The following KDM6A variants were observed in gnomAD, a reference collection of about 807,000 sequenced individuals.
KDM6A encodes the protein lysine-specific demethylase 6A.
KDM6A carries 11 observed loss-of-function variants against 117.6 expected under a neutral mutation model. That is an observed-to-expected ratio of 0.09 (90% CI 0.06 to 0.15). The LOEUF is 0.15. KDM6A is among the 10% of genes least tolerant of loss of function. The pLI is 1.00. For missense variants in KDM6A, 799 were observed against 1,077.3 expected, an observed-to-expected ratio of 0.74 and a Z score of 3.62; for synonymous variants, 384 against 396.1, an observed-to-expected ratio of 0.97 and a Z score of 0.36.
chrX:44,905,353 A>T (rs375864431), intron 2 of KDM6A, among the ~76,000 whole-genome samples: 3 of 112,296 alleles, frequency 2.7e-5, no homozygotes, highest in East Asian at 5.6e-4. Context: ...ACAAATATTT[A>T]CCACTGTGTT....
chrX:45,090,653 A>G, intron 26 of KDM6A, 70 bp from the exon 27 acceptor site: 1 of 1,089,015 alleles, frequency 9.2e-7, no homozygotes, highest in Non-Finnish European at 1.3e-6. Context: ...TCACCTGAGC[A>G]GGTGATAATG....
intron 4 of KDM6A, among the ~76,000 whole-genome samples, chrX:44,989,109 G>A (rs912346896): frequency 9.4e-6 from 1 of 105,982 alleles, no homozygotes; most frequent in African/African-American, 3.5e-5. Flanking sequence ...GGCAATGGGG[G>A]CGCCCCTCCC....
At chrX:44,982,142 T>C (rs939423911) in intron 4 of KDM6A, among the ~76,000 whole-genome samples, 1 of 111,633 alleles carries the variant, frequency 9.0e-6, no homozygotes, top group Non-Finnish European at 1.9e-5. Flanking sequence ...AGGTTTTGAA[T>C]TCTGGAAGCA....
At chrX:44,988,784 G>A (rs2040397452) in intron 4 of KDM6A, among the ~76,000 whole-genome samples, 1 of 110,637 alleles carries the variant, frequency 9.0e-6, no homozygotes, top group Non-Finnish European at 1.9e-5. Context: ...TGTCTCACAG[G>A]AGTACCCGGT....
chrX:45,079,493 G>A lies in KDM6A; in HGVS notation c.3300+142G>A, dbSNP rs189258458. Reference sequence around the variant, plus strand: ...TTTGTAAGTGTTCTCCAGTTGTCTCGTATGTATATATGTATGTATGTATGT... The same window carrying A: ...TTTGTAAGTGTTCTCCAGTTGTCTCATATGTATATATGTATGTATGTATGT... On this transcript the variant is annotated intron_variant, in intron 21 of 29. Coordinates refer to ENST00000611820, the MANE Select transcript of KDM6A (RefSeq NM_001291415.2). 24 of 465,671 alleles carry A rather than the reference G, an allele frequency of 5.2e-5. No homozygotes were observed. The East Asian group carries it at 7.6e-4, about 15-fold the overall frequency. 38.4% of individuals were successfully genotyped at this position (465,671 alleles called of 1,213,427 possible).
chrX:45,005,533 C>G (rs2041395163), intron 4 of KDM6A, among the ~76,000 whole-genome samples: 1 of 111,611 alleles, frequency 9.0e-6, no homozygotes, highest in Admixed American at 9.5e-5. Flanking sequence ...CATCCTCATT[C>G]GATCTAAACT....
chrX:44,926,197 A>C (rs1257088783), intron 2 of KDM6A, among the ~76,000 whole-genome samples: 2 of 109,588 alleles, frequency 1.8e-5, no homozygotes, highest in African/African-American at 6.7e-5. Flanking sequence ...CAGTCTCCCA[A>C]GTAGCTGGGA....
intron 4 of KDM6A, among the ~76,000 whole-genome samples, chrX:44,980,463 C>T (rs2039847320): frequency 9.1e-6 from 1 of 110,196 alleles, no homozygotes; most frequent in Non-Finnish European, 1.9e-5. Flanking sequence ...ATTGCATTTG[C>T]TTGTTCGTGA....
At chrX:45,050,356 C>T (rs762146617) in intron 8 of KDM6A, among the ~76,000 whole-genome samples, 1 of 112,073 alleles carries the variant, frequency 8.9e-6, no homozygotes, top group African/African-American at 3.2e-5. Flanking sequence ...AACAAACAAA[C>T]GAAAAAACTG....
rs1441240836 is a variant in KDM6A, at chrX:45,056,317, T to C, written c.875+2362T>C. Among the ~76,000 whole-genome samples, 4 of 111,968 alleles carry C rather than the reference T, an allele frequency of 3.6e-5. No individual in the cohort carries two copies. The East Asian group carries it at 8.3e-4, about 23-fold the overall frequency. On this transcript the variant is annotated intron_variant, in intron 10 of 29. Coordinates refer to ENST00000611820, the MANE Select transcript of KDM6A (RefSeq NM_001291415.2). ...GAATGAATTATGTTTTAGAAGTTTTTAAAGCTCCAAATGAAGACCTCAATT... is the reference window on the plus strand; with the variant it reads ...GAATGAATTATGTTTTAGAAGTTTTCAAAGCTCCAAATGAAGACCTCAATT...
At chrX:44,887,124 C>T (rs1188277407) in intron 2 of KDM6A, among the ~76,000 whole-genome samples, 3 of 107,707 alleles carry the variant, frequency 2.8e-5, no homozygotes, top group Non-Finnish European at 3.8e-5. Context: ...TTTATCATGT[C>T]GGCCAGGCTG....
intron 27 of KDM6A, among the ~76,000 whole-genome samples, chrX:45,093,982 G>C (rs1292046007): frequency 9.0e-6 from 1 of 111,279 alleles, no homozygotes; most frequent in East Asian, 2.8e-4. Flanking sequence ...TTGCATTCCT[G>C]TGATATTAAC....
At chrX:44,922,378 TTTCTTGTGCTTA>T (rs1346133365) in intron 2 of KDM6A, among the ~76,000 whole-genome samples, 1 of 110,084 alleles carries the variant, frequency 9.1e-6, no homozygotes, top group Non-Finnish European at 1.9e-5. Context: ...TTGGACACCT[TTTCTTGTGCTTA>T]TTCTTGTGCT....
intron 2 of KDM6A, among the ~76,000 whole-genome samples, chrX:44,908,976 A>C (rs2034905695): frequency 8.9e-6 from 1 of 112,151 alleles, no homozygotes; most frequent in Admixed American, 9.4e-5. Flanking sequence ...ATTTGAGTTC[A>C]CATATCACAA....
chrX:45,063,149 G>T (rs1485518571), intron 16 of KDM6A, among the ~76,000 whole-genome samples: 1 of 110,420 alleles, frequency 9.1e-6, no homozygotes, highest in African/African-American at 3.3e-5. Flanking sequence ...ATAATTTTCA[G>T]CTGCTTCCTT....
intron 4 of KDM6A, among the ~76,000 whole-genome samples, chrX:44,998,086 T>C (rs1023556387): frequency 2.7e-5 from 3 of 111,643 alleles, no homozygotes; most frequent in Non-Finnish European, 5.6e-5. Flanking sequence ...CACTTCATGT[T>C]TGAGTTTTCG....
rs897110735 is a variant in KDM6A at position 44,983,520 on chromosome X, G to A, written c.384+8805G>A. ...GTTGGTGTGCTGCACCCATTAACTC[G>A]TCATTTAACATTAGGTATATCTCCT... is the stretch of plus-strand genomic sequence containing the variant. On this transcript the variant is annotated intron_variant, in intron 4 of 29. Coordinates refer to ENST00000611820, the MANE Select transcript of KDM6A (RefSeq NM_001291415.2). Among the ~76,000 whole-genome samples the A allele has an allele frequency of 2.4e-3, 267 of 109,044 alleles. 1 individual carries two copies. The highest frequency in any genetic ancestry group is 8.3e-3 in the African/African-American group (249 of 29,854). 94.7% of individuals were successfully genotyped at this position (109,044 alleles called of 115,157 possible). A position where few individuals can be genotyped will look rare whatever the true frequency, so the allele number is the denominator to read the frequency against.
chrX:44,954,068 A>AT (rs1375275525), intron 2 of KDM6A, among the ~76,000 whole-genome samples: 10 of 109,776 alleles, frequency 9.1e-5, no homozygotes, highest in East Asian at 2.8e-4. Context: ...AAAAAAAAAA[A>AT]AATAATAATA....
At chrX:45,011,062 T>A in intron 5 of KDM6A, 43 bp downstream of exon 5, 1 of 981,546 alleles carries the variant, frequency 1.0e-6, no homozygotes, top group Non-Finnish European at 1.4e-6. Flanking sequence ...TTTCAGTAAA[T>A]GGCTTGTTTG....
Sources: gnomAD v4.1 joint callset for allele counts (sites outside exome capture counted in the v4.1 genomes callset) on GRCh38, gnomAD v4.1.1 for gene constraint, MANE v1.5 for transcripts, NCBI Gene and HGNC (gene_info 2026-07-23, HGNC 2026-07-21) for gene names.